The following BCL9 variants were observed in gnomAD, a reference collection of about 807,000 sequenced individuals.
BCL9 encodes B-cell CLL/lymphoma 9 protein.
Under a neutral mutation model 88.5 loss-of-function variants are expected in BCL9, and 25 were observed. That is an observed-to-expected ratio of 0.28 (90% CI 0.21 to 0.39). The LOEUF (loss-of-function observed/expected upper bound fraction) is 0.39. BCL9 is among the 10% of genes least tolerant of loss of function. The pLI is 1.00. For synonymous variants in BCL9, 711 were observed against 673.3 expected, an observed-to-expected ratio of 1.06 and a Z score of -0.87; for missense variants, 1,817 against 1,877.8, an observed-to-expected ratio of 0.97 and a Z score of 0.60.
At position 147,611,281 on chromosome 1, in the gene BCL9, G is replaced by A. The variant is rs189735065; in HGVS notation, c.-259-297G>A. On this transcript the variant is annotated intron_variant, in intron 3 of 9. Transcript: ENST00000234739. ...TGTATTCAAAACTACAGAAATGTAA[G>A]GGAGAATACATAGCTAAAGAGAAAA... Among the ~76,000 whole-genome samples, 1,310 of 152,286 alleles carry A rather than the reference G, an allele frequency of 8.6e-3. 14 individuals are homozygous for A. Among genetic ancestry groups the A allele is most frequent in the Non-Finnish European group, 0.014 (978 of 68,028 alleles).
intron 1 of BCL9, among the ~76,000 whole-genome samples, chr1:147,568,447 C>G (rs959526854): frequency 7.1e-6 from 1 of 140,060 alleles, no homozygotes; most frequent in Non-Finnish European, 1.6e-5. Flanking sequence ...GGGCACTGTT[C>G]AAATACAAAG....
chr1:147,608,658 A>T (rs1657851840), intron 3 of BCL9, among the ~76,000 whole-genome samples: 2 of 152,184 alleles, frequency 1.3e-5, no homozygotes, highest in African/African-American at 4.8e-5. Flanking sequence ...GGAAGGGAGG[A>T]AACGGGGTAC....
At chr1:147,615,516 A>T (rs989256454) in intron 6 of BCL9, among the ~76,000 whole-genome samples, 3 of 152,188 alleles carry the variant, frequency 2.0e-5, no homozygotes, top group Non-Finnish European at 4.4e-5. Context: ...TTCTCTATAA[A>T]ACACCTACCA....
At chr1:147,543,557 C>A (rs1274889158) in intron 1 of BCL9, among the ~76,000 whole-genome samples, 1 of 152,154 alleles carries the variant, frequency 6.6e-6, no homozygotes, top group Non-Finnish European at 1.5e-5. Context: ...GTATTTTATG[C>A]ATATATATAT....
chr1:147,612,868 ATTTG>A lies in BCL9; in HGVS notation c.54-11_54-8del. 6.2e-7 allele frequency: 1 copy of A among 1,611,996 alleles called. No homozygotes were observed. The highest frequency in any genetic ancestry group is 8.5e-7 in the Non-Finnish European group (1 of 1,178,670). On this transcript the variant is annotated splice_polypyrimidine_tract_variant and intron_variant, in intron 4 of 9. Coordinates refer to ENST00000234739, the MANE Select transcript of BCL9 (RefSeq NM_004326.4). The stretch of plus-strand genomic sequence containing the variant: ...ATCTGGTGTCTGATCTTCCTTTGTT[ATTTG>A]TTTCTTTTAGTAGCCCTAAGTCAAA...
chr1:147,600,229 C>CGCCGCCGCT (rs1228147694), intron 1 of BCL9: 2 of 162,140 alleles, frequency 1.2e-5, no homozygotes, highest in Non-Finnish European at 2.6e-5. Context: ...GGAGACGCTG[C>CGCCGCCGCT]GCCGCCGCTG....
At chr1:147,562,624 C>T (rs959095869) in intron 1 of BCL9, among the ~76,000 whole-genome samples, 5 of 152,066 alleles carry the variant, frequency 3.3e-5, no homozygotes, top group Admixed American at 3.3e-4. Flanking sequence ...GCTTCATAAA[C>T]ACTACTGAGG....
chr1:147,579,022 C>A (rs1656241213), intron 1 of BCL9, among the ~76,000 whole-genome samples: 1 of 152,118 alleles, frequency 6.6e-6, no homozygotes, highest in South Asian at 2.1e-4. Context: ...CCTGCCACCA[C>A]ACCCAGTTAA....
At position 147,596,992 on chromosome 1, in the gene BCL9, A is replaced by C. The variant is rs781829642; in HGVS notation, c.-477-7785A>C. ...AACCTTTGTTAGTCTTGGTTTCATC[A>C]TTTCTGAGGAAGACTTTCATATTCT... is the stretch of plus-strand genomic sequence containing the variant. On this transcript the variant is annotated intron_variant, in intron 1 of 9. Coordinates refer to ENST00000234739, the MANE Select transcript of BCL9 (RefSeq NM_004326.4). Among the ~76,000 whole-genome samples, 21 of 152,152 alleles carry C rather than the reference A, an allele frequency of 1.4e-4. 1 individual carries two copies. Among genetic ancestry groups the C allele is most frequent in the Non-Finnish European group, 2.6e-4 (18 of 68,022 alleles).
chr1:147,603,181 G>C (rs957449960), intron 1 of BCL9, among the ~76,000 whole-genome samples: 8 of 152,206 alleles, frequency 5.3e-5, no homozygotes, highest in Non-Finnish European at 1.0e-4. Context: ...ACAAAAAGGA[G>C]TATCTTGTAC....
chr1:147,572,203 C>G (rs181243851), intron 1 of BCL9, among the ~76,000 whole-genome samples: 1 of 152,256 alleles, frequency 6.6e-6, no homozygotes, highest in Non-Finnish European at 1.5e-5. Context: ...GATTGCGCCA[C>G]TGCACTCCAG....
chr1:147,551,260 G>A (rs1199377777), intron 1 of BCL9, among the ~76,000 whole-genome samples: 1 of 152,196 alleles, frequency 6.6e-6, no homozygotes, highest in African/African-American at 2.4e-5. Context: ...GTGACAACTA[G>A]AGTGTAAGTC....
In BCL9 at chr1:147,624,763, A is replaced by C; in HGVS notation, c.4085A>C (p.Asp1362Ala). 1 of 1,614,104 alleles carries C rather than the reference A, an allele frequency of 6.2e-7. No individual in the cohort carries two copies. Among genetic ancestry groups the C allele is most frequent in the Non-Finnish European group, 8.5e-7 (1 of 1,179,998 alleles). Residue 1362 changes from aspartate (D) to alanine (A), a missense_variant, in exon 10 of 10, where the codon GAT becomes GCT. Asp to Ala is a moderately radical substitution (Grantham distance 126). Coordinates refer to ENST00000234739, the MANE Select transcript of BCL9 (RefSeq NM_004326.4). This position sits in a 1 kb window ranked among gnomAD's most constrained non-coding sequence, Gnocchi z 4.4. ...AAAVGMIPGKDRGPAGLYTHP... is the reference protein window; with the variant it reads ...AAAVGMIPGKARGPAGLYTHP... ...GCCGTGGGCATGATTCCTGGCAAGGATCGGGGGCCTGCCGGGCTCTACACC... is the reference window on the plus strand; with the variant it reads ...GCCGTGGGCATGATTCCTGGCAAGGCTCGGGGGCCTGCCGGGCTCTACACC...
At chr1:147,596,911 G>A (rs76669808) in intron 1 of BCL9, among the ~76,000 whole-genome samples, 1,969 of 152,238 alleles carry the variant, frequency 0.013, 28 homozygotes, top group Non-Finnish European at 0.021. Flanking sequence ...CTTTGACCAA[G>A]GCAAGAATTT....
At chr1:147,612,397 G>A (rs1658054662) in intron 4 of BCL9, among the ~76,000 whole-genome samples, 1 of 152,182 alleles carries the variant, frequency 6.6e-6, no homozygotes, top group Non-Finnish European at 1.5e-5. Context: ...GGAGGGATTA[G>A]TATCCTGGAG....
chr1:147,592,150 G>C (rs1457679284), intron 1 of BCL9, among the ~76,000 whole-genome samples: 1 of 152,232 alleles, frequency 6.6e-6, no homozygotes, highest in Non-Finnish European at 1.5e-5. Flanking sequence ...GTGATCCTGA[G>C]CAGTGTTATT....
At chr1:147,583,497 C>T (rs1029027772) in intron 1 of BCL9, among the ~76,000 whole-genome samples, 14 of 151,022 alleles carry the variant, frequency 9.3e-5, no homozygotes, top group Admixed American at 2.0e-4. Flanking sequence ...AGGCTGGTCT[C>T]GAACTCCTGG....
chr1:147,570,052 A>T (rs115838075), intron 1 of BCL9, among the ~76,000 whole-genome samples: 1,723 of 152,330 alleles, frequency 0.011, 16 homozygotes, highest in Middle Eastern at 0.02. Flanking sequence ...TTGTGGTTGG[A>T]AAAATCTAGC....
intron 6 of BCL9, 22 bp downstream of exon 6, chr1:147,614,638 G>A: frequency 6.3e-7 from 1 of 1,592,062 alleles, no homozygotes; most frequent in Non-Finnish European, 8.6e-7. Flanking sequence ...GCTGTGTCTT[G>A]CTGTTGGGCA....
Sources: gnomAD v4.1 joint callset for allele counts (sites outside exome capture counted in the v4.1 genomes callset) on GRCh38, gnomAD v4.1.1 for gene constraint, Gnocchi (gnomAD v3.1) non-coding constraint, MANE v1.5 for transcripts, NCBI Gene and HGNC (gene_info 2026-07-23, HGNC 2026-07-21) for gene names.